The following SERHL2 variants were observed in gnomAD, a reference collection of about 807,000 sequenced individuals.
The protein encoded by SERHL2 is serine hydrolase-like protein 2.
SERHL2 carries 29 observed loss-of-function variants against 25.5 expected under a neutral mutation model. The ratio of observed to expected loss-of-function variants is 1.14; its 90% CI spans 0.85 to 1.55. The LOEUF (loss-of-function observed/expected upper bound fraction) is 1.55. Ranked by LOEUF, SERHL2 falls within the 40% of genes most tolerant of loss-of-function variation. SERHL2 has a pLI of 0.00. For synonymous variants in SERHL2, 95 were observed against 103.5 expected (o/e 0.92, Z 0.50); for missense variants, 240 against 252.3 (o/e 0.95, Z 0.33).
chr22:42,574,028 C>T lies in SERHL2; in HGVS notation c.918C>T (p.Cys306=), dbSNP rs1481299594. The T allele has an allele frequency of 4.3e-6, 7 of 1,612,566 alleles. No individual in the cohort carries two copies. The African/African-American group carries it at 5.3e-5, about 12-fold the overall frequency. The change falls in exon 12 of 12, where the codon TGC becomes TGT. Residue 306 remains cysteine (C), a synonymous_variant. Transcript: ENST00000327678. ...GTATCATCAGCTCCTTCTTACAGTGCACACACATGCTCCCAGCCCAGCTGT... is the reference window on the plus strand; with the variant it reads ...GTATCATCAGCTCCTTCTTACAGTGTACACACATGCTCCCAGCCCAGCTGT... ...VASIISSFLQ[C]THMLPAQL
intron 9 of SERHL2, among the ~76,000 whole-genome samples, chr22:42,570,643 G>T (rs1924038432): frequency 6.6e-6 from 1 of 152,156 alleles, no homozygotes; most frequent in Non-Finnish European, 1.5e-5. Flanking sequence ...GAGGCCGGCA[G>T]GGGCCATCAC....
chr22:42,571,809 T>C (rs1350536523), intron 10 of SERHL2: 1 of 155,206 alleles, frequency 6.4e-6, no homozygotes, highest in South Asian at 2.0e-4. Flanking sequence ...TCGCGCTAAG[T>C]GGACGAATTC....
At position 42,563,190 on chromosome 22, in the gene SERHL2, C is replaced by CT. The variant is rs754138896; in HGVS notation, c.613+2940dup. 6.3e-3 allele frequency among the ~76,000 whole-genome samples: 619 copies of CT among 97,966 alleles called. 7 individuals are homozygous for CT. Among genetic ancestry groups the CT allele is most frequent in the Middle Eastern group, 0.044 (9 of 206 alleles). The allele number at this position is 97,966 out of a possible 152,430, so 64.3% of individuals were successfully genotyped here. A position where few individuals can be genotyped will look rare whatever the true frequency, so the allele number is the denominator to read the frequency against. ...CAAGACCCTGGCTTTTTCTTTTTTT[C>CT]TTTTTTTTTTTTTTTGTTGTTGTTG... On this transcript the variant is annotated intron_variant, in intron 8 of 11. Coordinates refer to ENST00000327678, the MANE Select transcript of SERHL2 (RefSeq NM_014509.5).
chr22:42,573,690 A>T, intron 11 of SERHL2: 1 of 545,092 alleles, frequency 1.8e-6, no homozygotes, highest in Admixed American at 3.1e-5. Context: ...TGTCCCTGCC[A>T]TGCAACTTCA....
rs576104506 is a variant in SERHL2 at position 42,561,760 on chromosome 22, G to T, written c.613+1495G>T. On this transcript the variant is annotated intron_variant, in intron 8 of 11. Transcript: ENST00000327678. ...CACCTGTGGGCTGTTTTGGCCTCGG[G>T]TCGCCAGTTTGGGACCAGTTGGGTC... Among the ~76,000 whole-genome samples the T allele has an allele frequency of 5.9e-5, 9 of 151,914 alleles. No homozygotes were observed. In the South Asian group the frequency reaches 1.9e-3, roughly 32 times the overall value.
At position 42,561,733 on chromosome 22, in the gene SERHL2, G is replaced by A. The variant is rs572571408; in HGVS notation, c.613+1468G>A. Among the ~76,000 whole-genome samples, 8 of 151,930 alleles carry A rather than the reference G, an allele frequency of 5.3e-5. 1 individual carries two copies. Among genetic ancestry groups the A allele is most frequent in the South Asian group, 2.1e-4 (1 of 4,824 alleles). On this transcript the variant is annotated intron_variant, in intron 8 of 11. Coordinates refer to ENST00000327678, the MANE Select transcript of SERHL2 (RefSeq NM_014509.5). Reference sequence around the variant, plus strand: ...AGCATCCCCCGAGGGTCTAAGGAGCGGCACCTGTGGGCTGTTTTGGCCTCG... The same window carrying A: ...AGCATCCCCCGAGGGTCTAAGGAGCAGCACCTGTGGGCTGTTTTGGCCTCG...
chr22:42,572,130 G>T (rs1212366123), intron 10 of SERHL2, among the ~76,000 whole-genome samples: 3 of 152,096 alleles, frequency 2.0e-5, no homozygotes, highest in Non-Finnish European at 4.4e-5. Context: ...GCAAGTATGG[G>T]CTCCAGCGCC....
intron 1 of SERHL2, among the ~76,000 whole-genome samples, chr22:42,554,492 G>A (rs947046694): frequency 6.6e-6 from 1 of 152,166 alleles, no homozygotes; most frequent in South Asian, 2.1e-4. Flanking sequence ...CACCTGCTGC[G>A]TGTATGAGGG....
rs1019160437 is a variant in SERHL2, at chr22:42,574,065, T to C, written c.*10T>C. ...CCCAGCCCAGCTGTAGCTCTGGGCC[T>C]GGAACTATGAAGACCTAGTGCTCCC... On this transcript the variant is annotated 3_prime_UTR_variant, in exon 12 of 12. Coordinates refer to ENST00000327678, the MANE Select transcript of SERHL2 (RefSeq NM_014509.5). 1 of 1,611,800 alleles carries C rather than the reference T, an allele frequency of 6.2e-7. No individual in the cohort carries two copies. Among genetic ancestry groups the C allele is most frequent in the Non-Finnish European group, 8.5e-7 (1 of 1,178,332 alleles).
intron 8 of SERHL2, among the ~76,000 whole-genome samples, chr22:42,562,021 G>C (rs1455832662): frequency 2.0e-5 from 3 of 151,752 alleles, no homozygotes; most frequent in Non-Finnish European, 1.5e-5. Context: ...GTGGGTGTCA[G>C]GGGGGTGAGG....
At chr22:42,554,216 C>T (rs1357755421) in intron 1 of SERHL2, among the ~76,000 whole-genome samples, 174 bp downstream of exon 1, 1 of 152,164 alleles carries the variant, frequency 6.6e-6, no homozygotes, top group African/African-American at 2.4e-5. Context: ...AGTTGGGGGA[C>T]CCGGGACACG....
chr22:42,563,077 C>G (rs1922883137), intron 8 of SERHL2, among the ~76,000 whole-genome samples: 1 of 151,936 alleles, frequency 6.6e-6, no homozygotes, highest in Admixed American at 6.5e-5. Context: ...CCTGTGGTCC[C>G]AGCTACTTAG....
rs1924664398 is a variant in SERHL2 at position 42,574,059 on chromosome 22, T to G, written c.*4T>G. On this transcript the variant is annotated 3_prime_UTR_variant, in exon 12 of 12. Coordinates refer to ENST00000327678, the MANE Select transcript of SERHL2 (RefSeq NM_014509.5). Reference sequence around the variant, plus strand: ...CATGCTCCCAGCCCAGCTGTAGCTCTGGGCCTGGAACTATGAAGACCTAGT... The same window carrying G: ...CATGCTCCCAGCCCAGCTGTAGCTCGGGGCCTGGAACTATGAAGACCTAGT... 1.2e-6 allele frequency: 2 copies of G among 1,612,432 alleles called. No individual in the cohort carries two copies. Among genetic ancestry groups the G allele is most frequent in the Non-Finnish European group, 1.7e-6 (2 of 1,178,882 alleles).
chr22:42,554,488 C>T (rs1270617833), intron 1 of SERHL2, among the ~76,000 whole-genome samples: 5 of 152,150 alleles, frequency 3.3e-5, no homozygotes, highest in African/African-American at 1.2e-4. Context: ...GTCCCACCTG[C>T]TGCGTGTATG....
chr22:42,571,138 C>G lies in SERHL2; in HGVS notation c.666C>G (p.Asp222Glu). The change falls in exon 10 of 12, where the codon GAC becomes GAG. Residue 222 changes from aspartate to glutamate, a missense_variant. Coordinates refer to ENST00000327678, the MANE Select transcript of SERHL2 (RefSeq NM_014509.5). ...QRLAWAENSI[D>E]FISRELCAHS... ...CTCTGCAGGCAGAGAACAGCATTGA[C>G]TTCATCAGCAGGGAGCTGTGTGCGC... is the stretch of plus-strand genomic sequence containing the variant. The G allele has an allele frequency of 6.8e-6, 11 of 1,613,426 alleles. No homozygotes were observed. Among genetic ancestry groups the G allele is most frequent in the South Asian group, 1.1e-5 (1 of 91,070 alleles).
chr22:42,562,559 G>C (rs985778899), intron 8 of SERHL2, among the ~76,000 whole-genome samples: 3 of 151,828 alleles, frequency 2.0e-5, no homozygotes, highest in African/African-American at 7.2e-5. Context: ...AGAGTGGGGA[G>C]GGCAGCGAGC....
intron 5 of SERHL2, 136 bp from the exon 6 acceptor site, chr22:42,556,378 T>A (rs537331692): frequency 3.8e-4 from 262 of 685,912 alleles, no homozygotes; most frequent in Non-Finnish European, 1.8e-4. Context: ...GATAGAAGAT[T>A]CTCCTCTGGC....
chr22:42,573,320 T>TC (rs1340490842), intron 11 of SERHL2: 2 of 146,060 alleles, frequency 1.4e-5, no homozygotes, highest in Non-Finnish European at 3.0e-5. Context: ...CTCGGCTCAC[T>TC]CCAAGTTCCA....
intron 8 of SERHL2, among the ~76,000 whole-genome samples, chr22:42,562,894 CTG>C (rs1388088386): frequency 6.6e-6 from 1 of 152,050 alleles, no homozygotes; most frequent in African/African-American, 2.4e-5. Context: ...GAGGGACAGT[CTG>C]TGTCAGTCTG....
Sources: allele counts gnomAD v4.1 joint callset (sites outside exome capture counted in the v4.1 genomes callset), GRCh38; gene constraint gnomAD v4.1.1; transcripts MANE v1.5; gene names NCBI Gene and HGNC (gene_info 2026-07-23, HGNC 2026-07-21).